Variants in SLC38A4 observed in about 807,000 individuals in gnomAD.
SLC38A4 encodes the protein solute carrier family 38 member 4.
SLC38A4 carries 20 observed loss-of-function variants against 63.1 expected under a neutral mutation model. The observed-to-expected ratio is 0.32, with a 90% CI of 0.22 to 0.46. SLC38A4 has a LOEUF of 0.46. Ranked by LOEUF, SLC38A4 falls within the 20% of genes least tolerant of loss-of-function variation. The pLI, the probability that SLC38A4 is intolerant of heterozygous loss-of-function variation, is 1.00. For missense variants in SLC38A4, 526 were observed against 663.6 expected, an observed-to-expected ratio of 0.79 and a Z score of 2.28; for synonymous variants, 230 against 225.5, an observed-to-expected ratio of 1.02 and a Z score of -0.18.
chr12:46,831,373 A>G (rs1484679527), intron 1 of SLC38A4, among the ~76,000 whole-genome samples: 1 of 151,792 alleles, frequency 6.6e-6, no homozygotes, highest in Non-Finnish European at 1.5e-5. Context: ...TTTTTCCTCC[A>G]TCAGCTCTAA....
intron 3 of SLC38A4, 109 bp from the exon 4 acceptor site, chr12:46,788,727 A>C (rs1307189615): frequency 1.0e-6 from 1 of 960,302 alleles, no homozygotes; most frequent in African/African-American, 1.6e-5. Context: ...AGGGGAAATA[A>C]GACACCCCAA....
chr12:46,820,532 A>G (rs1939521798), intron 1 of SLC38A4, among the ~76,000 whole-genome samples: 1 of 151,930 alleles, frequency 6.6e-6, no homozygotes, highest in African/African-American at 2.4e-5. Flanking sequence ...GCTGGGTAAT[A>G]TTTCATTTTA....
chr12:46,794,580 TA>T (rs908893435), intron 2 of SLC38A4, among the ~76,000 whole-genome samples: 1 of 151,456 alleles, frequency 6.6e-6, no homozygotes, highest in African/African-American at 2.4e-5. Context: ...CATTGAAATT[TA>T]AAAAAACTCA....
chr12:46,779,508 A>T, intron 10 of SLC38A4, 103 bp downstream of exon 10: 1 of 868,144 alleles, frequency 1.2e-6, no homozygotes, highest in Non-Finnish European at 1.8e-6. Flanking sequence ...TACAAGAACT[A>T]TTTCATATTA....
chr12:46,784,340 T>C (rs1044031387), intron 7 of SLC38A4, among the ~76,000 whole-genome samples: 1 of 152,180 alleles, frequency 6.6e-6, no homozygotes, highest in African/African-American at 2.4e-5. Context: ...CAGGGTTTTA[T>C]ATGTTATTTC....
chr12:46,778,654 A>G lies in SLC38A4; in HGVS notation c.840T>C (p.Ser280=). 1 of 1,612,930 alleles carries G rather than the reference A, an allele frequency of 6.2e-7. No homozygotes were observed. The highest frequency in any genetic ancestry group is 8.5e-7 in the Non-Finnish European group (1 of 1,179,368). Residue 280 remains serine (S), a synonymous_variant, in exon 11 of 17, where the codon AGT becomes AGC. Coordinates refer to ENST00000266579, the MANE Select transcript of SLC38A4 (RefSeq NM_018018.5). ...HVVMLPNNSE[S]SDVNFMMDYT... ...AATCCATCATGAAGTTCACATCAGA[A>G]CTCTCAGAGTTGTTGGGTAACATTA...
chr12:46,828,847 A>G (rs959869903), upstream of SLC38A4, among the ~76,000 whole-genome samples: 1 of 152,198 alleles, frequency 6.6e-6, no homozygotes, highest in African/African-American at 2.4e-5. Flanking sequence ...AAATTAGGTC[A>G]TTATATACAC....
intron 1 of SLC38A4, among the ~76,000 whole-genome samples, chr12:46,831,179 C>A (rs2120947298): frequency 1.3e-5 from 2 of 152,284 alleles, no homozygotes; most frequent in Admixed American, 1.3e-4. Flanking sequence ...AGCGCAGCGT[C>A]CACCTGTACC....
At chr12:46,777,182 A>G (rs952814152) in intron 12 of SLC38A4, among the ~76,000 whole-genome samples, 178 bp from the exon 13 acceptor site, 12 of 152,014 alleles carry the variant, frequency 7.9e-5, no homozygotes, top group Admixed American at 4.6e-4. Context: ...ATTCATTTCC[A>G]TTTTTCTTAA....
At chr12:46,816,538 C>A (rs1188456085) in intron 1 of SLC38A4, among the ~76,000 whole-genome samples, 1 of 151,866 alleles carries the variant, frequency 6.6e-6, no homozygotes, top group Non-Finnish European at 1.5e-5. Flanking sequence ...AACGTTGCTT[C>A]AACTTCTATA....
At chr12:46,778,820 GA>G in intron 10 of SLC38A4, 44 bp from the exon 11 acceptor site, 1 of 1,568,132 alleles carries the variant, frequency 6.4e-7, no homozygotes, top group Non-Finnish European at 8.7e-7. Context: ...AGCTTTTTGA[GA>G]AAAAACAATG....
chr12:46,789,398 A>G (rs559374142), intron 3 of SLC38A4, among the ~76,000 whole-genome samples: 2 of 152,290 alleles, frequency 1.3e-5, no homozygotes, highest in South Asian at 4.1e-4. Flanking sequence ...ATGAACTGGC[A>G]AAAGAGTTGG....
Position 46,784,574 on chromosome 12 carries a change from G to A in SLC38A4, c.461C>T (p.Ala154Val). The part of the protein sequence containing the change: ...KAFGWPGKIG[A>V]FVSITMQNIG... Reference sequence around the variant, plus strand: ...GTTCTGCATTGTAATGGAAACAAAAGCTCCAATTTTTCCCGGCCATCCAAA... The same window carrying A: ...GTTCTGCATTGTAATGGAAACAAAAACTCCAATTTTTCCCGGCCATCCAAA... The change falls in exon 7 of 17, where the codon GCT (alanine) becomes GTT (valine). Residue 154 changes from alanine to valine, a missense_variant. Physicochemically the swap from Ala to Val is moderately conservative, Grantham distance 64. Transcript: ENST00000266579. 1.9e-6 allele frequency: 3 copies of A among 1,612,794 alleles called. No homozygotes were observed. Among genetic ancestry groups the A allele is most frequent in the Non-Finnish European group, 2.5e-6 (3 of 1,179,322 alleles).
chr12:46,817,218 G>C (rs1244526257), intron 1 of SLC38A4, among the ~76,000 whole-genome samples: 1 of 151,798 alleles, frequency 6.6e-6, no homozygotes, highest in African/African-American at 2.4e-5. Flanking sequence ...TTCTAGAGTG[G>C]TTCTGTACAA....
chr12:46,829,326 G>A (rs531461938), upstream of SLC38A4, among the ~76,000 whole-genome samples: 2 of 152,052 alleles, frequency 1.3e-5, no homozygotes, highest in South Asian at 4.2e-4. Flanking sequence ...TCAATTGATA[G>A]GTGGAAGCAC....
chr12:46,816,952 A>G (rs1376039826), intron 1 of SLC38A4, among the ~76,000 whole-genome samples: 2 of 151,902 alleles, frequency 1.3e-5, no homozygotes, highest in Non-Finnish European at 2.9e-5. Context: ...ATCTTGGCAT[A>G]GAATAACCTC....
intron 1 of SLC38A4, among the ~76,000 whole-genome samples, chr12:46,831,987 A>T (rs1409707112): frequency 2.0e-5 from 3 of 148,798 alleles, no homozygotes; most frequent in Non-Finnish European, 4.4e-5. Flanking sequence ...ACCTTGGCAC[A>T]ACCGCTTCTC....
intron 14 of SLC38A4, among the ~76,000 whole-genome samples, chr12:46,773,682 C>A (rs1450306949): frequency 1.3e-5 from 2 of 151,984 alleles, no homozygotes; most frequent in African/African-American, 4.8e-5. Context: ...CTTCCCATGA[C>A]AATAATTGCA....
intron 2 of SLC38A4, among the ~76,000 whole-genome samples, chr12:46,801,872 T>C: frequency 6.6e-6 from 1 of 152,110 alleles, no homozygotes; most frequent in South Asian, 2.1e-4. Flanking sequence ...CAGTCTGAGG[T>C]AGCTCTTAAA....
Sources: gnomAD v4.1 joint callset for allele counts (sites outside exome capture counted in the v4.1 genomes callset) on GRCh38, gnomAD v4.1.1 for gene constraint, MANE v1.5 for transcripts, NCBI Gene and HGNC (gene_info 2026-07-23, HGNC 2026-07-21) for gene names.